Variants in GPHN observed in about 807,000 individuals in gnomAD.
GPHN encodes the protein gephyrin.
A neutral mutation model predicts 95.5 loss-of-function variants in GPHN; 17 were observed. The observed-to-expected ratio is 0.18, with a 90% confidence interval of 0.12 to 0.27. The LOEUF (loss-of-function observed/expected upper bound fraction) is 0.27. Ranked by LOEUF, GPHN falls within the 10% of genes least tolerant of loss-of-function variation. The pLI, the probability that GPHN is intolerant of heterozygous loss-of-function variation, is 1.00. For synonymous variants in GPHN, 320 were observed against 322.5 expected (o/e 0.99, Z 0.08); for missense variants, 660 against 978.1 (o/e 0.67, Z 4.34).
the GPHN span, among the ~76,000 whole-genome samples, chr14:67,496,797 T>TTG: frequency 2.1e-4 from 30 of 142,756 alleles, no homozygotes; most frequent in African/African-American, 3.2e-4. Context: ...TGTCTTTCTT[T>TTG]CTTGCTTGCT....
the GPHN span, among the ~76,000 whole-genome samples, chr14:67,217,119 C>A: frequency 6.6e-6 from 1 of 151,822 alleles, no homozygotes; most frequent in African/African-American, 2.4e-5. Context: ...ATTGTTATAT[C>A]TTCACGTTAA....
the GPHN span, among the ~76,000 whole-genome samples, chr14:67,268,113 T>C: frequency 6.6e-6 from 1 of 152,206 alleles, no homozygotes; most frequent in Non-Finnish European, 1.5e-5. Flanking sequence ...GTCTCAGTCA[T>C]ATGGAAACTG....
At chr14:66,678,429 TTTAG>T (rs1476218270) in intron 1 of GPHN, among the ~76,000 whole-genome samples, 1 of 151,940 alleles carries the variant, frequency 6.6e-6, no homozygotes, top group Non-Finnish European at 1.5e-5. Context: ...GGGATTTCTG[TTTAG>T]TTGTTTTTTA....
the GPHN span, among the ~76,000 whole-genome samples, chr14:67,233,127 T>TTTTA: frequency 6.6e-6 from 1 of 150,694 alleles, no homozygotes; most frequent in African/African-American, 2.5e-5. Flanking sequence ...TTTTATTTTA[T>TTTTA]TTTATTTTAT....
the GPHN span, among the ~76,000 whole-genome samples, chr14:67,396,020 T>C: frequency 1.3e-5 from 2 of 152,226 alleles, no homozygotes; most frequent in Non-Finnish European, 2.9e-5. Flanking sequence ...CTACCTCAAA[T>C]GGCCTGTTAG....
the GPHN span, among the ~76,000 whole-genome samples, chr14:67,375,786 A>G: frequency 6.6e-6 from 1 of 152,220 alleles, no homozygotes; most frequent in Non-Finnish European, 1.5e-5. Flanking sequence ...TTTTTTAGAA[A>G]TACAGACTCT....
At chr14:66,904,388 G>A (rs1463444400) in intron 5 of GPHN, among the ~76,000 whole-genome samples, 2 of 152,084 alleles carry the variant, frequency 1.3e-5, no homozygotes, top group Admixed American at 1.3e-4. Context: ...GGGCTGATTG[G>A]TCCATTTTAC....
At chr14:66,628,042 G>A (rs1189663563) in intron 1 of GPHN, among the ~76,000 whole-genome samples, 2 of 152,082 alleles carry the variant, frequency 1.3e-5, no homozygotes, top group Non-Finnish European at 1.5e-5. Flanking sequence ...GCTCTTGGTA[G>A]GGGAAAGAAT....
At chr14:67,096,455 G>A (rs2077398069) in intron 12 of GPHN, among the ~76,000 whole-genome samples, 1 of 152,096 alleles carries the variant, frequency 6.6e-6, no homozygotes, top group Non-Finnish European at 1.5e-5. Context: ...ATGTGTGGGG[G>A]AACAGGAGAA....
At chr14:67,392,848 G>C in the GPHN span, 4 of 1,608,256 alleles carry the variant, frequency 2.5e-6, no homozygotes, top group African/African-American at 5.3e-5. Context: ...CCAGGGAGGA[G>C]CCTGGCCAAG....
At chr14:67,578,031 G>C in the GPHN span, 1 of 1,613,378 alleles carries the variant, frequency 6.2e-7, no homozygotes, top group Non-Finnish European at 8.5e-7. The surrounding 1 kb of genome is among the most constrained non-coding windows in gnomAD (Gnocchi z 5.0). Context: ...AGTCCTGCCA[G>C]CTCTTCATCA....
chr14:66,840,156 G>T (rs983298744), intron 4 of GPHN, among the ~76,000 whole-genome samples: 2 of 152,118 alleles, frequency 1.3e-5, no homozygotes, highest in Non-Finnish European at 2.9e-5. Flanking sequence ...ACATGCCCCT[G>T]TAATCCCATC....
intron 13 of GPHN, among the ~76,000 whole-genome samples, chr14:67,106,316 A>G (rs1237163599): frequency 6.6e-6 from 1 of 152,170 alleles, no homozygotes; most frequent in East Asian, 1.9e-4. Context: ...GACCTTTGGA[A>G]TTCCTGGACC....
intron 11 of GPHN, among the ~76,000 whole-genome samples, chr14:67,083,623 A>C (rs2076777012): frequency 6.6e-6 from 1 of 152,232 alleles, no homozygotes; most frequent in Non-Finnish European, 1.5e-5. Flanking sequence ...ATAGTTGACA[A>C]AAAATATATA....
rs546457643 is a variant in GPHN at position 66,630,454 on chromosome 14, C to G, written c.65-50653C>G. On this transcript the variant is annotated intron_variant, in intron 1 of 22. Coordinates refer to ENST00000478722, the MANE Select transcript of GPHN (RefSeq NM_020806.5). Reference sequence around the variant, plus strand: ...TAAAGAATGGCAAGTTTAATGTTGGCAATTGGTCATCAGAATCCTATTGTT... The same window carrying G: ...TAAAGAATGGCAAGTTTAATGTTGGGAATTGGTCATCAGAATCCTATTGTT... 3.3e-5 allele frequency among the ~76,000 whole-genome samples: 5 copies of G among 151,880 alleles called. No individual in the cohort carries two copies. The East Asian group carries it at 7.7e-4, about 23-fold the overall frequency.
chr14:67,196,673 G>A, the GPHN span: 1 of 152,146 alleles, frequency 6.6e-6, no homozygotes, highest in East Asian at 1.9e-4. Flanking sequence ...TTGGCCATAG[G>A]AGCTCAGGAT....
intron 9 of GPHN, among the ~76,000 whole-genome samples, chr14:67,014,025 TC>T (rs2073159137): frequency 6.6e-6 from 1 of 152,012 alleles, no homozygotes. Flanking sequence ...TCTGAAAACT[TC>T]CTGTTCACAT....
At chr14:67,235,254 C>CA in the GPHN span, among the ~76,000 whole-genome samples, 3 of 151,894 alleles carry the variant, frequency 2.0e-5, no homozygotes, top group Non-Finnish European at 4.4e-5. Context: ...ATTTTTCACA[C>CA]AAAACAAAAG....
intron 10 of GPHN, among the ~76,000 whole-genome samples, chr14:67,042,830 A>G (rs1006907185): frequency 1.1e-4 from 17 of 152,282 alleles, no homozygotes; most frequent in East Asian, 1.9e-4. Context: ...CAGTATGGCC[A>G]TTTTCATGAT....
Sources: allele counts gnomAD v4.1 joint callset (sites outside exome capture counted in the v4.1 genomes callset), GRCh38; gene constraint gnomAD v4.1.1; non-coding constraint Gnocchi (gnomAD v3.1); transcripts MANE v1.5; gene names NCBI Gene and HGNC (gene_info 2026-07-23, HGNC 2026-07-21).